The following MXI1 variants were observed in gnomAD, a reference collection of about 807,000 sequenced individuals.
The protein encoded by MXI1 is MAX interactor 1, dimerization protein.
Under a neutral mutation model 36.9 loss-of-function variants are expected in MXI1, and 18 were observed. The ratio of observed to expected loss-of-function variants is 0.49; its 90% CI spans 0.34 to 0.72. MXI1 has a LOEUF of 0.72. Ranked by LOEUF, MXI1 falls within the 30% of genes least tolerant of loss-of-function variation. The pLI is 0.01. For missense variants in MXI1, 304 were observed against 379.1 expected (o/e 0.80, Z 1.64); for synonymous variants, 160 against 146.7 (o/e 1.09, Z -0.65).
intron 3 of MXI1, among the ~76,000 whole-genome samples, chr10:110,251,518 C>T (rs1856086357): frequency 6.6e-6 from 1 of 151,988 alleles, no homozygotes; most frequent in African/African-American, 2.4e-5. Flanking sequence ...GTTTTTCATA[C>T]TGAAAAATGA....
intron 3 of MXI1, among the ~76,000 whole-genome samples, chr10:110,277,132 A>G (rs1454354193): frequency 6.6e-6 from 1 of 152,164 alleles, no homozygotes; most frequent in African/African-American, 2.4e-5. Context: ...ATGAGCCACC[A>G]TGCCCAGCCC....
At position 110,207,992 on chromosome 10, in the gene MXI1, A is replaced by C; in HGVS notation, c.184A>C (p.Met62Leu). The C allele has an allele frequency of 6.2e-7, 1 of 1,600,860 alleles. No homozygotes were observed. The highest frequency in any genetic ancestry group is 8.5e-7 in the Non-Finnish European group (1 of 1,173,914). ...SDIFNTSENSMEKHINTFLQN... is the reference protein window; with the variant it reads ...SDIFNTSENSLEKHINTFLQN... ...CATTTTCAACACCAGCGAGAACTCG[A>C]TGGAGAAGCACATCAACACTTTTCT... The change falls in exon 1 of 6, where the codon ATG becomes CTG. Residue 62 changes from methionine (M) to leucine (L), a missense_variant. Transcript: ENST00000332674.
chr10:110,263,397 G>A lies in MXI1; in HGVS notation c.438-15783G>A, dbSNP rs144031074. ...ATGACCCACTTAGGAAATATGTGGT[G>A]ATTGTGCTTCATAATGGGACCTCTT... On this transcript the variant is annotated intron_variant, in intron 3 of 5. Coordinates refer to ENST00000332674, the MANE Select transcript of MXI1 (RefSeq NM_130439.3). Among the ~76,000 whole-genome samples, 84 of 152,304 alleles carry A rather than the reference G, an allele frequency of 5.5e-4. 1 individual carries two copies. In the East Asian group the frequency reaches 0.013, roughly 23 times the overall value.
At chr10:110,226,177 T>G (rs1854959251) in intron 1 of MXI1, 11 of 1,448,360 alleles carry the variant, frequency 7.6e-6, no homozygotes, top group African/African-American at 3.0e-5. Context: ...GAGAAGGGAG[T>G]GCGGAGAGGC....
Position 110,285,816 on chromosome 10 carries a change from G to T in MXI1, c.*829G>T, listed in dbSNP as rs1264737032. The T allele has an allele frequency of 6.6e-6, 1 of 152,566 alleles. No individual in the cohort carries two copies. The highest frequency in any genetic ancestry group is 2.4e-5 in the African/African-American group (1 of 41,422). The allele number at this position is 152,566 out of a possible 1,614,324, so 9.5% of individuals were successfully genotyped here. On this transcript the variant is annotated 3_prime_UTR_variant, in exon 6 of 6. Coordinates refer to ENST00000332674, the MANE Select transcript of MXI1 (RefSeq NM_130439.3). ...AAGCTCCATGTGCCTCTTTGTCTGCGTGGGTCAGAAGAGTTGTGCACGCAG... is the reference window on the plus strand; with the variant it reads ...AAGCTCCATGTGCCTCTTTGTCTGCTTGGGTCAGAAGAGTTGTGCACGCAG...
rs111782953 is a variant in MXI1 at position 110,285,211 on chromosome 10, T to C, written c.*224T>C. The C allele has an allele frequency of 1.4e-3, 517 of 376,150 alleles. No homozygotes were observed. Among genetic ancestry groups the C allele is most frequent in the Non-Finnish European group, 1.7e-3 (361 of 214,526 alleles). 23.3% of individuals were successfully genotyped at this position (376,150 alleles called of 1,614,324 possible). A position where few individuals can be genotyped will look rare whatever the true frequency, so the allele number is the denominator to read the frequency against. ...AGAACAAATATTCAGAATATTCATA[T>C]TGGAAAAATCACAATTTTTAATGGC... On this transcript the variant is annotated 3_prime_UTR_variant, in exon 6 of 6. Coordinates refer to ENST00000332674, the MANE Select transcript of MXI1 (RefSeq NM_130439.3).
intron 1 of MXI1, among the ~76,000 whole-genome samples, chr10:110,213,561 C>T (rs1854559069): frequency 6.6e-6 from 1 of 152,150 alleles, no homozygotes; most frequent in African/African-American, 2.4e-5. Context: ...CAGAAGAAGG[C>T]TTTTTTGAGG....
At chr10:110,227,998 T>C in intron 1 of MXI1, 191 bp from the exon 2 acceptor site, 2 of 607,548 alleles carry the variant, frequency 3.3e-6, no homozygotes, top group Non-Finnish European at 5.7e-6. Context: ...CAAAACACCT[T>C]CCAGCTGGTG....
intron 1 of MXI1, among the ~76,000 whole-genome samples, chr10:110,224,197 T>G (rs890946315): frequency 1.3e-5 from 2 of 152,142 alleles, no homozygotes; most frequent in South Asian, 2.1e-4. Context: ...AGGAGCTTCC[T>G]GTTATTTTGG....
At chr10:110,257,970 A>C (rs1362762570) in intron 3 of MXI1, 1 of 154,244 alleles carries the variant, frequency 6.5e-6, no homozygotes, top group African/African-American at 2.4e-5. Context: ...TTAAGACTAG[A>C]TATTGAAAGA....
At position 110,217,852 on chromosome 10, in the gene MXI1, A is replaced by G. The variant is rs114623492; in HGVS notation, c.274+9770A>G. Among the ~76,000 whole-genome samples, 541 of 152,280 alleles carry G rather than the reference A, an allele frequency of 3.6e-3. 1 individual carries two copies. Among genetic ancestry groups the G allele is most frequent in the African/African-American group, 0.012 (509 of 41,554 alleles). On this transcript the variant is annotated intron_variant, in intron 1 of 5. Coordinates refer to ENST00000332674, the MANE Select transcript of MXI1 (RefSeq NM_130439.3). ...CCCAAGAGAGCTGCTGACAAGTGCA[A>G]TGTCTTCTCTGTTTTCCAAAGGAGT...
chr10:110,211,227 A>G (rs1004956857), intron 1 of MXI1, among the ~76,000 whole-genome samples: 6 of 151,942 alleles, frequency 3.9e-5, no homozygotes, highest in Non-Finnish European at 7.4e-5. Context: ...CTAGAGACAC[A>G]TGGTTTCCAC....
At chr10:110,227,656 C>T (rs1401585278) in intron 1 of MXI1, 3 of 650,562 alleles carry the variant, frequency 4.6e-6, no homozygotes, top group Non-Finnish European at 5.7e-6. Flanking sequence ...CCTTTGAATA[C>T]CTGCGGGGTG....
chr10:110,218,910 C>T (rs916514184), intron 1 of MXI1, among the ~76,000 whole-genome samples: 1 of 152,190 alleles, frequency 6.6e-6, no homozygotes, highest in African/African-American at 2.4e-5. Flanking sequence ...TCGCTGCCAC[C>T]GTGACAGTGT....
rs185853660 is a variant in MXI1 at position 110,263,866 on chromosome 10, T to C, written c.438-15314T>C. Among the ~76,000 whole-genome samples, 4 of 152,362 alleles carry C rather than the reference T, an allele frequency of 2.6e-5. No homozygotes were observed. The East Asian group carries it at 7.7e-4, about 29-fold the overall frequency. On this transcript the variant is annotated intron_variant, in intron 3 of 5. Coordinates refer to ENST00000332674, the MANE Select transcript of MXI1 (RefSeq NM_130439.3). The stretch of plus-strand genomic sequence containing the variant: ...ATAGAATCTTTCATGGAAGTTTCCA[T>C]GATCTGCTGGAACAGTGATCTTGGA...
At chr10:110,274,421 T>G (rs1856960097) in intron 3 of MXI1, among the ~76,000 whole-genome samples, 1 of 152,022 alleles carries the variant, frequency 6.6e-6, no homozygotes, top group Admixed American at 6.6e-5. Flanking sequence ...ACCCCATCCC[T>G]CTCAGCAAGG....
At chr10:110,282,121 CCAAA>C (rs1318044343) in intron 5 of MXI1, among the ~76,000 whole-genome samples, 5 of 152,126 alleles carry the variant, frequency 3.3e-5, no homozygotes, top group Admixed American at 6.5e-5. Flanking sequence ...TATCAGTTTT[CCAAA>C]CAGAGTTGGT....
intron 3 of MXI1, among the ~76,000 whole-genome samples, chr10:110,273,771 T>G (rs1856937712): frequency 6.6e-6 from 1 of 152,144 alleles, no homozygotes; most frequent in South Asian, 2.1e-4. Context: ...TTGATTTAGT[T>G]ATCTGGTAAA....
chr10:110,236,627 A>C (rs889336958), intron 2 of MXI1, among the ~76,000 whole-genome samples: 2 of 151,890 alleles, frequency 1.3e-5, no homozygotes, highest in Admixed American at 1.3e-4. Flanking sequence ...CACTCTGCTA[A>C]TTTTTATATT....
Sources: allele counts gnomAD v4.1 joint callset (sites outside exome capture counted in the v4.1 genomes callset), GRCh38; gene constraint gnomAD v4.1.1; transcripts MANE v1.5; gene names NCBI Gene and HGNC (gene_info 2026-07-23, HGNC 2026-07-21).